MGAT4C: variants seen among roughly 807,000 people sequenced by gnomAD.
MGAT4C encodes MGAT4 family member C, also known as alpha-1,3-mannosyl-glycoprotein 4-beta-N-acetylglucosaminyltransferase C.
A neutral mutation model predicts 40.1 loss-of-function variants in MGAT4C; 19 were observed. The ratio of observed to expected loss-of-function variants is 0.47; its 90% CI spans 0.33 to 0.70. The LOEUF (loss-of-function observed/expected upper bound fraction) is 0.70. Ranked by LOEUF, MGAT4C falls within the 30% of genes least tolerant of loss-of-function variation. The pLI, the probability that MGAT4C is intolerant of heterozygous loss-of-function variation, is 0.02. For missense variants in MGAT4C, 491 were observed against 563.2 expected, an observed-to-expected ratio of 0.87 and a Z score of 1.30; for synonymous variants, 181 against 187.1, an observed-to-expected ratio of 0.97 and a Z score of 0.27.
chr12:86,309,779 T>C (rs975275297), intron 4 of MGAT4C, among the ~76,000 whole-genome samples: 5 of 152,210 alleles, frequency 3.3e-5, no homozygotes, highest in African/African-American at 1.2e-4. Flanking sequence ...TATTAATAAA[T>C]GGCTGTGTTG....
intron 2 of MGAT4C, among the ~76,000 whole-genome samples, chr12:86,011,519 A>G (rs1387082338): frequency 1.3e-5 from 2 of 152,182 alleles, no homozygotes; most frequent in Non-Finnish European, 2.9e-5. Context: ...TATAATTCAG[A>G]ATATTACAAC....
At chr12:86,618,339 AG>A (rs1962525608) in intron 2 of MGAT4C, among the ~76,000 whole-genome samples, 1 of 152,210 alleles carries the variant, frequency 6.6e-6, no homozygotes, top group African/African-American at 2.4e-5. Context: ...TTTTATCCAA[AG>A]GAAAGTAAAT....
At chr12:86,806,555 C>A (rs868416022) in intron 1 of MGAT4C, among the ~76,000 whole-genome samples, 15 of 152,020 alleles carry the variant, frequency 9.9e-5, no homozygotes, top group African/African-American at 3.4e-4. Flanking sequence ...AGTTCCATTA[C>A]CAAAAGGATC....
chr12:86,069,515 C>T (rs2137031138), intron 1 of MGAT4C, among the ~76,000 whole-genome samples: 1 of 152,194 alleles, frequency 6.6e-6, no homozygotes, highest in Admixed American at 6.5e-5. Context: ...ATGTATGGCA[C>T]TAAGGTGGAA....
At chr12:86,370,893 C>T (rs905901514) in intron 3 of MGAT4C, among the ~76,000 whole-genome samples, 1 of 151,974 alleles carries the variant, frequency 6.6e-6, no homozygotes, top group Non-Finnish European at 1.5e-5. Flanking sequence ...AAAATTTGCT[C>T]CTTTAGTGGG....
intron 3 of MGAT4C, among the ~76,000 whole-genome samples, chr12:86,373,744 G>C (rs1036981049): frequency 4.6e-5 from 7 of 151,696 alleles, no homozygotes; most frequent in Admixed American, 1.3e-4. Flanking sequence ...GAAACACAGT[G>C]AAGGGGTCAA....
chr12:86,000,670 T>C (rs147810220), intron 2 of MGAT4C, among the ~76,000 whole-genome samples: 134 of 152,314 alleles, frequency 8.8e-4, no homozygotes, highest in African/African-American at 2.7e-3. Context: ...CCAGATCTAA[T>C]AAAGCATTTT....
At chr12:86,275,176 T>C (rs1363930840) in intron 4 of MGAT4C, among the ~76,000 whole-genome samples, 1 of 152,152 alleles carries the variant, frequency 6.6e-6, no homozygotes, top group Non-Finnish European at 1.5e-5. Flanking sequence ...ACAACTAATA[T>C]GAAATTTCAC....
At chr12:86,528,978 A>G (rs949567044) in intron 2 of MGAT4C, among the ~76,000 whole-genome samples, 6 of 152,082 alleles carry the variant, frequency 3.9e-5, no homozygotes, top group Non-Finnish European at 8.8e-5. Flanking sequence ...AAAGTTGAAA[A>G]AAAAACCACT....
chr12:86,720,456 T>C (rs566883644), intron 2 of MGAT4C, among the ~76,000 whole-genome samples: 1 of 152,310 alleles, frequency 6.6e-6, no homozygotes, highest in South Asian at 2.1e-4. Context: ...TTTAAACTAC[T>C]GCAATGTTCT....
chr12:86,102,864 T>G (rs1209300988), intron 1 of MGAT4C, among the ~76,000 whole-genome samples: 1 of 152,180 alleles, frequency 6.6e-6, no homozygotes, highest in Non-Finnish European at 1.5e-5. Flanking sequence ...AATAGCCATT[T>G]AAATTTAATA....
chr12:86,134,348 G>T (rs146391031), intron 1 of MGAT4C, among the ~76,000 whole-genome samples: 9 of 152,110 alleles, frequency 5.9e-5, no homozygotes, highest in African/African-American at 2.2e-4. Context: ...CAAAATTTTA[G>T]CTAATATAGA....
intron 3 of MGAT4C, among the ~76,000 whole-genome samples, chr12:86,350,296 T>C (rs1955130937): frequency 6.6e-6 from 1 of 152,108 alleles, no homozygotes; most frequent in Non-Finnish European, 1.5e-5. Context: ...AAAAATGAAG[T>C]GGGCTGAATG....
At chr12:86,509,706 T>G (rs1395295231) in intron 2 of MGAT4C, among the ~76,000 whole-genome samples, 1 of 152,218 alleles carries the variant, frequency 6.6e-6, no homozygotes, top group African/African-American at 2.4e-5. Context: ...TGAAATGTTC[T>G]TCCATTTGTT....
At chr12:86,646,610 T>C (rs550411488) in intron 2 of MGAT4C, among the ~76,000 whole-genome samples, 1 of 151,898 alleles carries the variant, frequency 6.6e-6, no homozygotes, top group African/African-American at 2.4e-5. Flanking sequence ...TTTTATTTTC[T>C]ACTTTATTTT....
At chr12:86,470,986 G>C (rs1022613346) in intron 2 of MGAT4C, among the ~76,000 whole-genome samples, 1 of 151,892 alleles carries the variant, frequency 6.6e-6, no homozygotes. Flanking sequence ...AAGTACTAAA[G>C]GAGAGCCACA....
At chr12:86,315,403 A>G (rs1203447707) in intron 4 of MGAT4C, among the ~76,000 whole-genome samples, 1 of 152,138 alleles carries the variant, frequency 6.6e-6, no homozygotes, top group East Asian at 1.9e-4. Context: ...ACCTCAGAGT[A>G]TCAGAATCCT....
intron 4 of MGAT4C, among the ~76,000 whole-genome samples, chr12:86,262,255 C>T (rs1592610930): frequency 6.6e-6 from 1 of 152,090 alleles, no homozygotes; most frequent in East Asian, 1.9e-4. Context: ...ATGCTTTCTA[C>T]CCATTCTTCC....
At chr12:86,757,304 G>C (rs1254203826) in intron 1 of MGAT4C, among the ~76,000 whole-genome samples, 1 of 152,014 alleles carries the variant, frequency 6.6e-6, no homozygotes, top group Non-Finnish European at 1.5e-5. Context: ...ATCATGCCAC[G>C]TGTATACCTA....
Sources: gnomAD v4.1 joint callset for allele counts (sites outside exome capture counted in the v4.1 genomes callset) on GRCh38, gnomAD v4.1.1 for gene constraint, MANE v1.5 for transcripts, NCBI Gene and HGNC (gene_info 2026-07-23, HGNC 2026-07-21) for gene names.